The following CENPE variants were observed in gnomAD, a reference collection of about 807,000 sequenced individuals.
The protein encoded by CENPE is centromere protein E, also known as centromere-associated protein E.
A neutral mutation model predicts 336.1 loss-of-function variants in CENPE; 145 were observed. That is an observed-to-expected ratio of 0.43 (90% confidence interval 0.38 to 0.50). The LOEUF (loss-of-function observed/expected upper bound fraction) is 0.50. CENPE is among the 20% of genes least tolerant of loss of function. The probability of loss-of-function intolerance (pLI) is 0.00; values close to 1 mark genes in which losing one functional copy is unlikely to be tolerated. For missense variants in CENPE, 2,719 were observed against 3,023.3 expected (o/e 0.90, Z 2.36); for synonymous variants, 1,013 against 984.8 (o/e 1.03, Z -0.54).
In CENPE at chr4:103,145,353, ATAAGT is replaced by A; in HGVS notation, c.4573-24_4573-20del. The A allele has an allele frequency of 5.5e-6, 8 of 1,456,388 alleles. No individual in the cohort carries two copies. The highest frequency in any genetic ancestry group is 7.6e-6 in the Non-Finnish European group (8 of 1,058,488). The allele number at this position is 1,456,388 out of a possible 1,614,324, so 90.2% of individuals were successfully genotyped here. A position where few individuals can be genotyped will look rare whatever the true frequency, so the allele number is the denominator to read the frequency against. ...CTTGGATCTTAAACATAATTATAAA[ATAAGT>A]TAATAGTCATAAAAATATGTAAACA... On this transcript the variant is annotated intron_variant, in intron 31 of 48. Transcript: ENST00000265148.
intron 9 of CENPE, among the ~76,000 whole-genome samples, chr4:103,183,690 G>A (rs1756511650): frequency 6.6e-6 from 1 of 151,726 alleles, no homozygotes; most frequent in South Asian, 2.1e-4. Context: ...TGCTCACACG[G>A]TTCAAAAAGT....
At chr4:103,191,028 C>CAAAA (rs1260321428) in intron 8 of CENPE, among the ~76,000 whole-genome samples, 1 of 151,734 alleles carries the variant, frequency 6.6e-6, no homozygotes, top group East Asian at 1.9e-4. Context: ...TTTATGCAGC[C>CAAAA]AAAAGACACA....
chr4:103,108,802 C>T lies in CENPE; in HGVS notation c.8011+1G>A. 5.0e-6 allele frequency: 8 copies of T among 1,612,038 alleles called. No homozygotes were observed. Among genetic ancestry groups the T allele is most frequent in the Non-Finnish European group, 6.8e-6 (8 of 1,178,982 alleles). Reference sequence around the variant, plus strand: ...TCCAAGTAACCAGTATATTTACTTACCTGGACAAAGGCCTAAACTTGAGTT... The same window carrying T: ...TCCAAGTAACCAGTATATTTACTTATCTGGACAAAGGCCTAAACTTGAGTT... On this transcript the variant is annotated splice_donor_variant, in intron 48 of 48. Coordinates refer to ENST00000265148, the MANE Select transcript of CENPE (RefSeq NM_001813.3). LOFTEE classifies it high-confidence loss of function.
intron 38 of CENPE, 60 bp from the exon 39 acceptor site, chr4:103,138,509 T>C: frequency 9.5e-7 from 1 of 1,048,078 alleles, no homozygotes; most frequent in South Asian, 1.3e-5. Context: ...ACATATAATG[T>C]CTAATCGCAC....
chr4:103,140,471 T>C, intron 36 of CENPE, 57 bp from the exon 37 acceptor site: 1 of 1,187,262 alleles, frequency 8.4e-7, no homozygotes, highest in Non-Finnish European at 1.2e-6. Flanking sequence ...TTACCTTTAC[T>C]TAATGATTGA....
At chr4:103,116,043 A>AT (rs373257122) in intron 45 of CENPE, among the ~76,000 whole-genome samples, 15 of 152,216 alleles carry the variant, frequency 9.9e-5, no homozygotes, top group Admixed American at 2.6e-4. Flanking sequence ...GACTCTCTTT[A>AT]ATGTTCTTTT....
At chr4:103,159,904 A>G (rs929978371) in intron 21 of CENPE, among the ~76,000 whole-genome samples, 1 of 151,884 alleles carries the variant, frequency 6.6e-6, no homozygotes, top group African/African-American at 2.4e-5. Context: ...AAGGGCAGAG[A>G]GAGATGAGAA....
At chr4:103,175,900 A>G (rs1755812313) in intron 15 of CENPE, 60 bp downstream of exon 15, 3 of 1,077,784 alleles carry the variant, frequency 2.8e-6, no homozygotes, top group African/African-American at 1.6e-5. Flanking sequence ...ACAAAACCTA[A>G]TAACAAAAGA....
chr4:103,175,856 C>T, intron 15 of CENPE, 104 bp downstream of exon 15: 1 of 698,038 alleles, frequency 1.4e-6, no homozygotes, highest in South Asian at 2.3e-5. Flanking sequence ...TCATTAGAGC[C>T]AAAATCATTA....
chr4:103,106,338 A>T, intron 48 of CENPE, 22 bp from the exon 49 acceptor site: 2 of 1,556,158 alleles, frequency 1.3e-6, no homozygotes, highest in South Asian at 1.2e-5. Context: ...AATGAAAACA[A>T]CATTCATCCT....
At chr4:103,167,178 A>G (rs1754995783) in intron 16 of CENPE, among the ~76,000 whole-genome samples, 1 of 152,206 alleles carries the variant, frequency 6.6e-6, no homozygotes, top group Non-Finnish European at 1.5e-5. Context: ...AAATCCATTA[A>G]TATGTAGCAT....
At chr4:103,170,107 G>A (rs1424839851) in intron 16 of CENPE, among the ~76,000 whole-genome samples, 1 of 152,140 alleles carries the variant, frequency 6.6e-6, no homozygotes, top group African/African-American at 2.4e-5. Context: ...CACAGGGAGG[G>A]GAACATCACA....
chr4:103,181,501 A>T (rs759282930), intron 11 of CENPE, 45 bp from the exon 12 acceptor site: 5 of 1,501,560 alleles, frequency 3.3e-6, no homozygotes, highest in Middle Eastern at 1.9e-4. Flanking sequence ...CACTTAAAAA[A>T]ATTCGAATTT....
intron 42 of CENPE, among the ~76,000 whole-genome samples, chr4:103,126,473 A>G (rs761919242): frequency 6.6e-6 from 1 of 152,164 alleles, no homozygotes. Context: ...CTACATTACT[A>G]AAGGCCTATT....
At chr4:103,127,515 A>G (rs1264794403) in intron 42 of CENPE, among the ~76,000 whole-genome samples, 1 of 152,196 alleles carries the variant, frequency 6.6e-6, no homozygotes, top group African/African-American at 2.4e-5. Flanking sequence ...AGAAAGGAAG[A>G]GCACAAGAGA....
At chr4:103,130,328 G>T (rs1229964625) in intron 42 of CENPE, among the ~76,000 whole-genome samples, 1 of 152,126 alleles carries the variant, frequency 6.6e-6, no homozygotes, top group Non-Finnish European at 1.5e-5. Context: ...AAAGTTGCAG[G>T]ATAAAAAGTC....
intron 48 of CENPE, 139 bp downstream of exon 48, chr4:103,108,664 G>A: frequency 1.2e-6 from 1 of 800,388 alleles, no homozygotes; most frequent in Non-Finnish European, 2.0e-6. Context: ...CTTTCTTACA[G>A]AGTCAGCAAA....
At chr4:103,149,553 G>T (rs868630967) in intron 26 of CENPE, 145 bp from the exon 27 acceptor site, 1 of 717,298 alleles carries the variant, frequency 1.4e-6, no homozygotes, top group Non-Finnish European at 2.2e-6. Context: ...ATAAATGTCT[G>T]CAGTGGTTTG....
chr4:103,128,976 TAAGAAA>T (rs939523797), intron 42 of CENPE, among the ~76,000 whole-genome samples: 10 of 151,806 alleles, frequency 6.6e-5, no homozygotes, highest in Admixed American at 3.3e-4. Flanking sequence ...CTAGGCAAAC[TAAGAAA>T]AAGAAAAAGA....
Sources: allele counts gnomAD v4.1 joint callset (sites outside exome capture counted in the v4.1 genomes callset), GRCh38; gene constraint gnomAD v4.1.1; transcripts MANE v1.5; gene names NCBI Gene and HGNC (gene_info 2026-07-23, HGNC 2026-07-21).